Variants in CA9 observed in about 807,000 individuals in gnomAD.
CA9 encodes CA-IX.
CA9 carries 43 observed loss-of-function variants against 51.8 expected under a neutral mutation model. The ratio of observed to expected loss-of-function variants is 0.83; its 90% CI spans 0.65 to 1.07. CA9 has a LOEUF of 1.07. Ranked by LOEUF, CA9 falls within the 50% of genes least tolerant of loss-of-function variation. CA9 has a pLI of 0.00. For synonymous variants in CA9, 253 were observed against 244.2 expected, an observed-to-expected ratio of 1.04 and a Z score of -0.34; for missense variants, 574 against 581.4, an observed-to-expected ratio of 0.99 and a Z score of 0.13.
At chr9:35,677,992 GATA>G (rs1269252462) in intron 6 of CA9, 136 bp downstream of exon 6, 1 of 713,176 alleles carries the variant, frequency 1.4e-6, no homozygotes, top group African/African-American at 1.8e-5. Flanking sequence ...CGCTCATCTT[GATA>G]ATAACCATGA....
Position 35,675,743 on chromosome 9 carries a change from T to C in CA9, c.434-18T>C, listed in dbSNP as rs749910097. On this transcript the variant is annotated intron_variant, in intron 2 of 10. Transcript: ENST00000378357. ...TGACCTAGGCGTCAGACTTCCTCAC[T>C]ATACTCTCCCACCCCAGGCGACCCG... 3 of 1,501,034 alleles carry C rather than the reference T, an allele frequency of 2.0e-6. No individual in the cohort carries two copies. The highest frequency in any genetic ancestry group is 2.7e-6 in the Non-Finnish European group (3 of 1,113,472). The allele number at this position is 1,501,034 out of a possible 1,614,324, so 93.0% of individuals were successfully genotyped here.
chr9:35,674,005 G>A lies in CA9; in HGVS notation c.46G>A (p.Ala16Thr), dbSNP rs1217532880. 1.2e-6 allele frequency: 2 copies of A among 1,612,476 alleles called. No individual in the cohort carries two copies. The highest frequency in any genetic ancestry group is 1.7e-5 in the Admixed American group (1 of 59,874). ...PSPWLPLLIP[A>T]PAPGLTVQLL... The stretch of plus-strand genomic sequence containing the variant: ...CCCCTGGCTCCCTCTGTTGATCCCG[G>A]CCCCTGCTCCAGGCCTCACTGTGCA... Residue 16 changes from alanine to threonine, a missense_variant, in exon 1 of 11, where the codon GCC becomes ACC. By Grantham distance (58) the Ala-to-Thr change is moderately conservative (BLOSUM62 0). Transcript: ENST00000378357.
In CA9 at chr9:35,680,834, G is replaced by A. The variant is rs748971558; in HGVS notation, c.1319G>A (p.Arg440Lys). The A allele has an allele frequency of 5.6e-6, 9 of 1,613,908 alleles. No individual in the cohort carries two copies. The East Asian group carries it at 1.1e-4, about 20-fold the overall frequency. The change falls in exon 10 of 11, where the codon AGA becomes AAA. Residue 440 changes from arginine to lysine, a missense_variant and splice_region_variant. By Grantham distance (26) the Arg-to-Lys change is conservative (BLOSUM62 2). Coordinates refer to ENST00000378357, the MANE Select transcript of CA9 (RefSeq NM_001216.3). ...AFLVQMRRQHRRGTKGGVSYR... is the reference protein window; with the variant it reads ...AFLVQMRRQHKRGTKGGVSYR... The stretch of plus-strand genomic sequence containing the variant: ...CTTGTGCAGATGAGAAGGCAGCACA[G>A]GTATTACACTGACCCTTTCTTCAGG...
intron 1 of CA9, 73 bp from the exon 2 acceptor site, chr9:35,675,465 G>C (rs893239242): frequency 4.5e-6 from 7 of 1,555,808 alleles, no homozygotes; most frequent in Non-Finnish European, 6.2e-6. Flanking sequence ...ATCTGCGTTT[G>C]TGACATCGTT....
At position 35,681,107 on chromosome 9, in the gene CA9, C is replaced by A; in HGVS notation, c.*82C>A. On this transcript the variant is annotated 3_prime_UTR_variant, in exon 11 of 11. Coordinates refer to ENST00000378357, the MANE Select transcript of CA9 (RefSeq NM_001216.3). Reference sequence around the variant, plus strand: ...TAACTGTCCTGTCCTGCTCATTATGCCACTTCCTTTTAACTGCCAAGAAAT... The same window carrying A: ...TAACTGTCCTGTCCTGCTCATTATGACACTTCCTTTTAACTGCCAAGAAAT... 2 of 1,062,658 alleles carry A rather than the reference C, an allele frequency of 1.9e-6. No homozygotes were observed. Among genetic ancestry groups the A allele is most frequent in the Non-Finnish European group, 1.3e-6 (1 of 751,168 alleles). The allele number at this position is 1,062,658 out of a possible 1,614,324, so 65.8% of individuals were successfully genotyped here.
chr9:35,675,506 G>A (rs1824398162), intron 1 of CA9, 32 bp from the exon 2 acceptor site: 1 of 1,613,946 alleles, frequency 6.2e-7, no homozygotes, highest in Non-Finnish European at 8.5e-7. Context: ...GGGGCTCTAA[G>A]CTTGAGCGGT....
Position 35,680,149 on chromosome 9 carries a change from C to T in CA9, c.1237+10C>T. 6.2e-7 allele frequency: 1 copy of T among 1,614,172 alleles called. No homozygotes were observed. Among genetic ancestry groups the T allele is most frequent in the Admixed American group, 1.7e-5 (1 of 60,018 alleles). On this transcript the variant is annotated intron_variant, in intron 9 of 10. Transcript: ENST00000378357. ...TCCTGCCTGGCTGCTGGTGAGTCTGCCCCTCCTCTTGGTCCTGATGCCAGG... is the reference window on the plus strand; with the variant it reads ...TCCTGCCTGGCTGCTGGTGAGTCTGTCCCTCCTCTTGGTCCTGATGCCAGG...
At position 35,676,407 on chromosome 9, in the gene CA9, C is replaced by T. The variant is rs1346862248; in HGVS notation, c.840+18C>T. The T allele has an allele frequency of 2.5e-6, 4 of 1,580,020 alleles. No individual in the cohort carries two copies. Among genetic ancestry groups the T allele is most frequent in the Non-Finnish European group, 2.6e-6 (3 of 1,152,172 alleles). ...TTCTGGAGGTACCAGATCCTGGACACCCCCTACTCCCCGCTTTCCCATCCC... is the reference window on the plus strand; with the variant it reads ...TTCTGGAGGTACCAGATCCTGGACATCCCCTACTCCCCGCTTTCCCATCCC... On this transcript the variant is annotated intron_variant, in intron 5 of 10. Coordinates refer to ENST00000378357, the MANE Select transcript of CA9 (RefSeq NM_001216.3).
chr9:35,680,615 G>A (rs1824526922), intron 9 of CA9, 138 bp from the exon 10 acceptor site: 1 of 675,028 alleles, frequency 1.5e-6, no homozygotes. Flanking sequence ...CCCTTGGCTG[G>A]CCTCTTCTGG....
At position 35,676,372 on chromosome 9, in the gene CA9, T is replaced by C; in HGVS notation, c.823T>C (p.Leu275=). The C allele has an allele frequency of 6.2e-7, 1 of 1,613,686 alleles. No homozygotes were observed. The highest frequency in any genetic ancestry group is 8.5e-7 in the Non-Finnish European group (1 of 1,179,814). Reference sequence around the variant, plus strand: ...GGGGCGCCCGGGAGGCCTGGCCGTGTTGGCCGCCTTTCTGGAGGTACCAGA... The same window carrying C: ...GGGGCGCCCGGGAGGCCTGGCCGTGCTGGCCGCCTTTCTGGAGGTACCAGA... The part of the protein sequence containing the change: ...ALGRPGGLAV[L]AAFLEEGPEE... Residue 275 remains leucine, a synonymous_variant, in exon 5 of 11, where the codon TTG becomes CTG. Coordinates refer to ENST00000378357, the MANE Select transcript of CA9 (RefSeq NM_001216.3).
chr9:35,678,139 G>C (rs1030336783), intron 6 of CA9, among the ~76,000 whole-genome samples: 4 of 152,120 alleles, frequency 2.6e-5, no homozygotes, highest in African/African-American at 9.7e-5. Flanking sequence ...GAGGTCAAGA[G>C]ATCAAGACCA....
chr9:35,675,760 G>A lies in CA9; in HGVS notation c.434-1G>A, dbSNP rs754676647. On this transcript the variant is annotated splice_acceptor_variant, in intron 2 of 10. Coordinates refer to ENST00000378357, the MANE Select transcript of CA9 (RefSeq NM_001216.3). LOFTEE classifies it high-confidence loss of function. Reference sequence around the variant, plus strand: ...TTCCTCACTATACTCTCCCACCCCAGGCGACCCGCCCTGGCCCCGGGTGTC... The same window carrying A: ...TTCCTCACTATACTCTCCCACCCCAAGCGACCCGCCCTGGCCCCGGGTGTC... 1.9e-6 allele frequency: 3 copies of A among 1,586,862 alleles called. No homozygotes were observed. The highest frequency in any genetic ancestry group is 2.0e-4 in the Middle Eastern group (1 of 4,894).
Position 35,675,572 on chromosome 9 carries a change from G to GAC in CA9, c.433+8_433+9dup, listed in dbSNP as rs750216981. 1.2e-6 allele frequency: 2 copies of GAC among 1,614,016 alleles called. No homozygotes were observed. The highest frequency in any genetic ancestry group is 2.2e-5 in the South Asian group (2 of 91,072). On this transcript the variant is annotated splice_donor_region_variant and intron_variant, in intron 2 of 10. Coordinates refer to ENST00000378357, the MANE Select transcript of CA9 (RefSeq NM_001216.3). ...AGAGTCATTGGCGCTATGGAGGTGAGACACCCACCCGCTGCACAGACCCAA... is the reference window on the plus strand; with the variant it reads ...AGAGTCATTGGCGCTATGGAGGTGAGACACACCCACCCGCTGCACAGACCCAA...
chr9:35,680,072 G>A, intron 8 of CA9, 41 bp from the exon 9 acceptor site: 1 of 1,614,128 alleles, frequency 6.2e-7, no homozygotes, highest in African/African-American at 1.3e-5. Flanking sequence ...TCTGTCATTG[G>A]TGGTCACAGC....
intron 4 of CA9, 37 bp downstream of exon 4, chr9:35,676,243 G>T (rs752777805): frequency 1.2e-6 from 2 of 1,613,102 alleles, no homozygotes; most frequent in South Asian, 2.2e-5. Flanking sequence ...GCAAAGGAGC[G>T]GGGCGGAGCG....
intron 1 of CA9, 55 bp from the exon 2 acceptor site, chr9:35,675,483 C>A: frequency 1.2e-6 from 2 of 1,603,444 alleles, no homozygotes; most frequent in African/African-American, 2.7e-5. Flanking sequence ...GTTTTGGTCG[C>A]CAGGAAGGGA....
In CA9 at chr9:35,674,376, A is replaced by G; in HGVS notation, c.403+14A>G. 6.3e-7 allele frequency: 1 copy of G among 1,596,828 alleles called. No homozygotes were observed. Among genetic ancestry groups the G allele is most frequent in the South Asian group, 1.1e-5 (1 of 88,402 alleles). On this transcript the variant is annotated intron_variant, in intron 1 of 10. Coordinates refer to ENST00000378357, the MANE Select transcript of CA9 (RefSeq NM_001216.3). ...GGGACAAAGAAGGTAAGTGGTCATC[A>G]ATCTCCAAATCCAGGTTCCAGGAGG...
intron 9 of CA9, among the ~76,000 whole-genome samples, chr9:35,680,527 C>A (rs757981392): frequency 1.3e-5 from 2 of 152,166 alleles, no homozygotes; most frequent in Non-Finnish European, 2.9e-5. Flanking sequence ...TGTGCCTGGC[C>A]CCAAACGGCC....
At chr9:35,677,695 A>G in intron 5 of CA9, 95 bp from the exon 6 acceptor site, 1 of 892,632 alleles carries the variant, frequency 1.1e-6, no homozygotes, top group East Asian at 2.4e-5. Context: ...GAGCTGAGGA[A>G]TGGGAGAGGT....
Sources: gnomAD v4.1 joint callset for allele counts (sites outside exome capture counted in the v4.1 genomes callset) on GRCh38, gnomAD v4.1.1 for gene constraint, MANE v1.5 for transcripts, NCBI Gene and HGNC (gene_info 2026-07-23, HGNC 2026-07-21) for gene names.